The following FRMPD2 variants were observed in gnomAD, a reference collection of about 807,000 sequenced individuals.
The protein encoded by FRMPD2 is FERM and PDZ domain containing 2.
In FRMPD2, 96 loss-of-function variants were observed where a neutral mutation model predicts 140.1. That is an observed-to-expected ratio of 0.69 (90% CI 0.58 to 0.81). The LOEUF (loss-of-function observed/expected upper bound fraction) is 0.81. FRMPD2 is among the 40% of genes least tolerant of loss of function. The pLI, the probability that FRMPD2 is intolerant of heterozygous loss-of-function variation, is 0.00. For missense variants in FRMPD2, 1,240 were observed against 1,447.4 expected, an observed-to-expected ratio of 0.86 and a Z score of 2.32; for synonymous variants, 449 against 547.6, an observed-to-expected ratio of 0.82 and a Z score of 2.52.
chr10:48,173,339 C>T (rs1407475223), intron 24 of FRMPD2, among the ~76,000 whole-genome samples: 1 of 151,928 alleles, frequency 6.6e-6, no homozygotes, highest in Non-Finnish European at 1.5e-5. Flanking sequence ...TTCCTCCCCT[C>T]ACTCACCCTC....
chr10:48,193,461 G>A (rs1341208130), intron 15 of FRMPD2, among the ~76,000 whole-genome samples: 1 of 152,148 alleles, frequency 6.6e-6, no homozygotes, highest in Non-Finnish European at 1.5e-5. Flanking sequence ...TTTGACACTT[G>A]CCTTTCTCCT....
chr10:48,178,126 G>A lies in FRMPD2; in HGVS notation c.2816C>T (p.Ser939Leu), dbSNP rs1163581362. The change falls in exon 22 of 29, where the codon TCA (serine) becomes TTA (leucine). Residue 939 changes from serine to leucine, a missense_variant. Physicochemically the swap from Ser to Leu is moderately radical, Grantham distance 145. This residue lies in a region of FRMPD2 where 25 missense variants were observed against 41.5 expected (regional missense o/e 0.60). Transcript: ENST00000374201. Reference protein sequence around the residue: ...LKGAGSSCPPSPPEISAGEIY... With the variant: ...LKGAGSSCPPLPPEISAGEIY... Reference sequence around the variant, plus strand: ...TTCACCAGCACTGATTTCTGGAGGTGATGGAGGACAAGAAGAACCAGCACC... The same window carrying A: ...TTCACCAGCACTGATTTCTGGAGGTAATGGAGGACAAGAAGAACCAGCACC... 6.4e-7 allele frequency: 1 copy of A among 1,565,074 alleles called. No homozygotes were observed.
At position 48,226,119 on chromosome 10, in the gene FRMPD2, T is replaced by C. The variant is rs528163507; in HGVS notation, c.1169-2849A>G. 2.0e-5 allele frequency among the ~76,000 whole-genome samples: 3 copies of C among 152,362 alleles called. No individual in the cohort carries two copies. The East Asian group carries it at 5.8e-4, about 29-fold the overall frequency. On this transcript the variant is annotated intron_variant, in intron 10 of 28. Transcript: ENST00000374201. ...ATAATTTAGAGCTCCAATGGCCAGA[T>C]GGAGACCATTTGAACTGCCCAAGCT...
chr10:48,188,866 C>G (rs1226476033), intron 16 of FRMPD2, among the ~76,000 whole-genome samples: 4 of 152,206 alleles, frequency 2.6e-5, no homozygotes, highest in Admixed American at 2.0e-4. Context: ...TGATTCCACT[C>G]ATCTGAGGAA....
intron 14 of FRMPD2, among the ~76,000 whole-genome samples, chr10:48,204,819 C>G (rs4491171): frequency 0.34 from 51,216 of 152,052 alleles, 10,398 homozygotes; most frequent in African/African-American, 0.57. Flanking sequence ...TTAACTAGTG[C>G]TGATAACTAT....
intron 9 of FRMPD2, among the ~76,000 whole-genome samples, chr10:48,235,044 G>A (rs1839936176): frequency 6.6e-6 from 1 of 152,246 alleles, no homozygotes; most frequent in African/African-American, 2.4e-5. Context: ...CAGGTGGCTT[G>A]AAGGGGATGG....
intron 15 of FRMPD2, among the ~76,000 whole-genome samples, chr10:48,193,636 T>A (rs1437283707): frequency 6.6e-6 from 1 of 152,168 alleles, no homozygotes; most frequent in Non-Finnish European, 1.5e-5. Context: ...AAGTTAGTAT[T>A]TTAAGACAGG....
At chr10:48,200,860 G>T (rs923666371) in intron 15 of FRMPD2, among the ~76,000 whole-genome samples, 16 of 152,198 alleles carry the variant, frequency 1.1e-4, no homozygotes, top group African/African-American at 3.4e-4. Flanking sequence ...TGTCATAAAT[G>T]ACACCCTAGT....
chr10:48,205,569 A>T (rs1206482299), intron 14 of FRMPD2, among the ~76,000 whole-genome samples: 1 of 152,244 alleles, frequency 6.6e-6, no homozygotes, highest in Admixed American at 6.5e-5. Context: ...TATTAAATTC[A>T]TTAAACAAAG....
intron 28 of FRMPD2, among the ~76,000 whole-genome samples, chr10:48,159,776 T>C (rs1284628818): frequency 6.6e-6 from 1 of 151,646 alleles, no homozygotes; most frequent in Non-Finnish European, 1.5e-5. Flanking sequence ...AGTTTAATGA[T>C]ATGTGCTAGG....
At chr10:48,183,943 C>A (rs998448466) in intron 20 of FRMPD2, among the ~76,000 whole-genome samples, 3 of 150,542 alleles carry the variant, frequency 2.0e-5, no homozygotes, top group Admixed American at 2.0e-4. Context: ...AGGGGAACAA[C>A]ACACACCAGA....
chr10:48,177,971 A>G lies in FRMPD2; in HGVS notation c.2895+76T>C, dbSNP rs572088273. ...ACTAAGCACACTGTCAGAGGTTGCC[A>G]TCTGGGTGGAATGGCCACCAGGTTC... On this transcript the variant is annotated intron_variant, in intron 22 of 28. Transcript: ENST00000374201. 4.5e-6 allele frequency: 3 copies of G among 663,962 alleles called. No homozygotes were observed. The East Asian group carries it at 8.3e-5, about 18-fold the overall frequency. 41.1% of individuals were successfully genotyped at this position (663,962 alleles called of 1,614,324 possible).
In FRMPD2 at chr10:48,232,109, G is replaced by T. The variant is rs749510428; in HGVS notation, c.1168+6C>A. On this transcript the variant is annotated splice_donor_region_variant and intron_variant, in intron 10 of 28. Transcript: ENST00000374201. The stretch of plus-strand genomic sequence containing the variant: ...GCCAGCTGTGAGCTGCCCAAGAGAT[G>T]CTTACTTTTCATATACGCCAAGCCA... The T allele has an allele frequency of 5.0e-6, 8 of 1,613,952 alleles. No homozygotes were observed. The highest frequency in any genetic ancestry group is 6.8e-6 in the Non-Finnish European group (8 of 1,179,954).
intron 24 of FRMPD2, among the ~76,000 whole-genome samples, chr10:48,173,760 T>C (rs1838329126): frequency 6.6e-6 from 1 of 152,016 alleles, no homozygotes; most frequent in South Asian, 2.1e-4. Flanking sequence ...CAATGTGATT[T>C]CCCACATTTC....
intron 2 of FRMPD2, among the ~76,000 whole-genome samples, chr10:48,250,775 A>C (rs1321423614): frequency 6.7e-6 from 1 of 148,990 alleles, no homozygotes; most frequent in Non-Finnish European, 1.5e-5. Context: ...TCCCCTGTTT[A>C]GAACACAGAG....
intron 22 of FRMPD2, chr10:48,177,378 T>C (rs1330204615): frequency 4.0e-5 from 6 of 151,582 alleles, no homozygotes; most frequent in Non-Finnish European, 8.8e-5. Flanking sequence ...CCCAAAGTTC[T>C]GGGATTACAG....
intron 1 of FRMPD2, among the ~76,000 whole-genome samples, chr10:48,258,337 T>TTGAG (rs1301214190): frequency 1.3e-5 from 2 of 152,238 alleles, no homozygotes; most frequent in African/African-American, 4.8e-5. Context: ...GAGCCTGACC[T>TTGAG]TGAGTGAGTG....
chr10:48,240,320 C>T, intron 6 of FRMPD2, 40 bp downstream of exon 6: 2 of 1,595,582 alleles, frequency 1.3e-6, no homozygotes, highest in Admixed American at 1.7e-5. Context: ...AGAATGGGTA[C>T]CATCAGCCCA....
chr10:48,208,743 C>G (rs144237753), intron 13 of FRMPD2, among the ~76,000 whole-genome samples: 1 of 152,144 alleles, frequency 6.6e-6, no homozygotes, highest in Non-Finnish European at 1.5e-5. Flanking sequence ...CTTTGCATTG[C>G]TATTGCTGGG....
Sources: allele counts gnomAD v4.1 joint callset (sites outside exome capture counted in the v4.1 genomes callset), GRCh38; gene constraint gnomAD v4.1.1; regional missense constraint gnomAD v4.1.1; transcripts MANE v1.5; gene names NCBI Gene and HGNC (gene_info 2026-07-23, HGNC 2026-07-21).